Variants in SGSM1 observed in about 807,000 individuals in gnomAD.
SGSM1 encodes small G protein signaling modulator 1.
A neutral mutation model predicts 133.8 loss-of-function variants in SGSM1; 73 were observed. The ratio of observed to expected loss-of-function variants is 0.55; its 90% CI spans 0.45 to 0.66. SGSM1 has a LOEUF of 0.66. SGSM1 is among the 30% of genes least tolerant of loss of function. The probability of loss-of-function intolerance (pLI) is 0.00; values close to 1 mark genes in which losing one functional copy is unlikely to be tolerated. For missense variants in SGSM1, 1,213 were observed against 1,448.1 expected, an observed-to-expected ratio of 0.84 and a Z score of 2.64; for synonymous variants, 563 against 573.0, an observed-to-expected ratio of 0.98 and a Z score of 0.25.
chr22:24,877,905 G>A (rs1333869710), intron 13 of SGSM1, among the ~76,000 whole-genome samples: 1 of 146,544 alleles, frequency 6.8e-6, no homozygotes, highest in African/African-American at 2.5e-5. Context: ...CCGCCTCCCG[G>A]GTTTAAGCAA....
chr22:24,895,107 T>A (rs998481105), intron 17 of SGSM1, 116 bp from the exon 18 acceptor site: 56 of 985,640 alleles, frequency 5.7e-5, no homozygotes, highest in Non-Finnish European at 8.6e-5. Context: ...AGAGGACTTG[T>A]GCAAGTTAGG....
intron 2 of SGSM1, among the ~76,000 whole-genome samples, chr22:24,830,761 G>A (rs770232802): frequency 1.1e-4 from 17 of 149,524 alleles, no homozygotes; most frequent in Non-Finnish European, 1.3e-4. Flanking sequence ...GGAGGGCTTG[G>A]TAAATGCCTC....
intron 16 of SGSM1, among the ~76,000 whole-genome samples, chr22:24,887,104 TA>T (rs1253666518): frequency 7.3e-6 from 1 of 137,336 alleles, no homozygotes; most frequent in African/African-American, 2.8e-5. Flanking sequence ...TACTTGTACT[TA>T]TTTGTGTGTG....
At chr22:24,902,256 T>C (rs1234062129) in intron 20 of SGSM1, among the ~76,000 whole-genome samples, 1 of 152,226 alleles carries the variant, frequency 6.6e-6, no homozygotes, top group Non-Finnish European at 1.5e-5. Flanking sequence ...AAGAGCCTCA[T>C]TGCTGAGTGG....
At chr22:24,831,285 G>T (rs1481515966) in intron 2 of SGSM1, among the ~76,000 whole-genome samples, 1 of 151,968 alleles carries the variant, frequency 6.6e-6, no homozygotes, top group Non-Finnish European at 1.5e-5. Flanking sequence ...CCATGATGCA[G>T]CCTCAGGGGA....
At chr22:24,918,817 C>T (rs1432154043) in intron 23 of SGSM1, among the ~76,000 whole-genome samples, 6 of 151,886 alleles carry the variant, frequency 4.0e-5, no homozygotes, top group African/African-American at 9.7e-5. Context: ...CTGCAACCTC[C>T]GCCTCCCAGG....
intron 9 of SGSM1, among the ~76,000 whole-genome samples, chr22:24,863,135 C>T (rs1931249423): frequency 6.6e-6 from 1 of 152,146 alleles, no homozygotes; most frequent in South Asian, 2.1e-4. Flanking sequence ...GGTGAACAGG[C>T]ACCTCATAGG....
intron 2 of SGSM1, among the ~76,000 whole-genome samples, chr22:24,840,782 TC>T (rs1348906815): frequency 6.6e-6 from 1 of 152,234 alleles, no homozygotes; most frequent in Non-Finnish European, 1.5e-5. Flanking sequence ...GTAAGTTCCT[TC>T]TTAGCACTGC....
chr22:24,923,876 C>A (rs1934098841), intron 24 of SGSM1, among the ~76,000 whole-genome samples: 1 of 152,224 alleles, frequency 6.6e-6, no homozygotes, highest in African/African-American at 2.4e-5. Flanking sequence ...CCTGCCTCGG[C>A]CTCCCAAGGT....
intron 4 of SGSM1, among the ~76,000 whole-genome samples, chr22:24,848,597 A>G (rs1930282604): frequency 2.0e-5 from 3 of 152,230 alleles, no homozygotes; most frequent in Non-Finnish European, 4.4e-5. Flanking sequence ...CCAAACCCCC[A>G]GTCTACAGCC....
chr22:24,852,224 TTAAC>T (rs1930523262), intron 5 of SGSM1, among the ~76,000 whole-genome samples: 1 of 152,228 alleles, frequency 6.6e-6, no homozygotes, highest in Admixed American at 6.5e-5. Context: ...TACAATACTA[TTAAC>T]TAACTGCAAA....
At chr22:24,859,861 C>T (rs755134523) in intron 9 of SGSM1, 21 bp downstream of exon 9, 103 of 1,612,818 alleles carry the variant, frequency 6.4e-5, no homozygotes, top group African/African-American at 8.0e-5. Context: ...GGGTCTGATA[C>T]GTATCCCTTG....
chr22:24,910,926 C>T (rs1275649351), intron 21 of SGSM1, among the ~76,000 whole-genome samples: 1 of 151,856 alleles, frequency 6.6e-6, no homozygotes. Context: ...GCCTTGGTGA[C>T]ACAGCAAGAC....
chr22:24,872,698 C>T (rs1459672530), intron 12 of SGSM1, among the ~76,000 whole-genome samples: 1 of 152,068 alleles, frequency 6.6e-6, no homozygotes, highest in Non-Finnish European at 1.5e-5. Context: ...GCAGGCAGAT[C>T]ACGAGGTCAG....
intron 2 of SGSM1, among the ~76,000 whole-genome samples, chr22:24,823,273 A>G (rs996137300): frequency 6.6e-6 from 1 of 152,178 alleles, no homozygotes. Context: ...ACTTAAGACA[A>G]ATGTATAAAG....
At chr22:24,832,535 C>T (rs1929178000) in intron 2 of SGSM1, among the ~76,000 whole-genome samples, 1 of 152,146 alleles carries the variant, frequency 6.6e-6, no homozygotes, top group Non-Finnish European at 1.5e-5. Flanking sequence ...AGAAACTGTC[C>T]TCACAGCACT....
chr22:24,886,019 G>A (rs1263961891), intron 15 of SGSM1, among the ~76,000 whole-genome samples: 1 of 152,172 alleles, frequency 6.6e-6, no homozygotes, highest in African/African-American at 2.4e-5. Flanking sequence ...GATACAGTTA[G>A]GGTGTTGCCA....
intron 13 of SGSM1, among the ~76,000 whole-genome samples, chr22:24,877,860 G>A (rs1241936137): frequency 7.4e-6 from 1 of 135,496 alleles, no homozygotes; most frequent in Non-Finnish European, 1.5e-5. Flanking sequence ...GCCCAGGCTG[G>A]AGTGCAATGG....
At chr22:24,900,398 T>C (rs1360303571) in intron 19 of SGSM1, among the ~76,000 whole-genome samples, 8 of 77,552 alleles carry the variant, frequency 1.0e-4, no homozygotes, top group African/African-American at 2.8e-4. Context: ...TTTCTTTCTT[T>C]CTTTCTTTCT....
Sources: gnomAD v4.1 joint callset for allele counts (sites outside exome capture counted in the v4.1 genomes callset) on GRCh38, gnomAD v4.1.1 for gene constraint, MANE v1.5 for transcripts, NCBI Gene and HGNC (gene_info 2026-07-23, HGNC 2026-07-21) for gene names.